The following CD6 variants were observed in gnomAD, a reference collection of about 807,000 sequenced individuals.
CD6 encodes CD6 molecule.
In CD6, 53 loss-of-function variants were observed where a neutral mutation model predicts 75.3. The ratio of observed to expected loss-of-function variants is 0.70; its 90% CI spans 0.56 to 0.88. The LOEUF is 0.88. Ranked by LOEUF, CD6 falls within the 40% of genes least tolerant of loss-of-function variation. The probability of loss-of-function intolerance (pLI) is 0.00; values close to 1 mark genes in which losing one functional copy is unlikely to be tolerated. For missense variants in CD6, 770 were observed against 897.1 expected, an observed-to-expected ratio of 0.86 and a Z score of 1.81; for synonymous variants, 359 against 381.5, an observed-to-expected ratio of 0.94 and a Z score of 0.69.
At position 61,007,553 on chromosome 11, in the gene CD6, C is replaced by T. The variant is rs958429164; in HGVS notation, c.119-7C>T. 60 of 1,484,968 alleles carry T rather than the reference C, an allele frequency of 4.0e-5. No individual in the cohort carries two copies. The highest frequency in any genetic ancestry group is 2.6e-4 in the Admixed American group (11 of 43,078). 92.0% of individuals were successfully genotyped at this position (1,484,968 alleles called of 1,614,324 possible). A position where few individuals can be genotyped will look rare whatever the true frequency, so the allele number is the denominator to read the frequency against. ...CCGGTCTCAGCTCTCTGGTCTGACA[C>T]TTCCAGGGGAGCGGCTTCCGGTCCG... On this transcript the variant is annotated splice_polypyrimidine_tract_variant and splice_region_variant and intron_variant, in intron 2 of 12. Transcript: ENST00000313421. This position sits in a 1 kb window ranked among gnomAD's most constrained non-coding sequence, Gnocchi z 4.2.
At position 60,981,935 on chromosome 11, in the gene CD6, G is replaced by A. The variant is rs114341564; in HGVS notation, c.49+10021G>A. Among the ~76,000 whole-genome samples, 63 of 152,036 alleles carry A rather than the reference G, an allele frequency of 4.1e-4. 2 individuals carry two copies. The highest frequency in any genetic ancestry group is 1.5e-3 in the African/African-American group (61 of 41,454). Reference sequence around the variant, plus strand: ...CCCTTGTATGGAAGGGTGCCCCTGGGTCTCCACCGTGTGCTAGGGGGTGGG... The same window carrying A: ...CCCTTGTATGGAAGGGTGCCCCTGGATCTCCACCGTGTGCTAGGGGGTGGG... On this transcript the variant is annotated intron_variant, in intron 1 of 12. Coordinates refer to ENST00000313421, the MANE Select transcript of CD6 (RefSeq NM_006725.5).
intron 1 of CD6, among the ~76,000 whole-genome samples, chr11:60,987,104 T>C (rs981418497): frequency 6.6e-6 from 1 of 151,962 alleles, no homozygotes; most frequent in Non-Finnish European, 1.5e-5. Context: ...CGAGACTCCA[T>C]CTCAAAAAAA....
In CD6 at chr11:61,009,588, C is replaced by A; in HGVS notation, c.798C>A (p.Arg266=). 6.2e-7 allele frequency: 1 copy of A among 1,607,202 alleles called. No homozygotes were observed. The highest frequency in any genetic ancestry group is 8.5e-7 in the Non-Finnish European group (1 of 1,176,860). The part of the protein sequence containing the change: ...GAVCSEHQSW[R]LTGGADRCEG... ...TCCCTGCAGAGCACCAGTCCTGGCG[C>A]CTGACAGGGGGCGCTGACCGCTGCG... is the stretch of plus-strand genomic sequence containing the variant. The change falls in exon 5 of 13, where the codon CGC becomes CGA. Residue 266 remains arginine (R), a synonymous_variant. Transcript: ENST00000313421.
chr11:61,001,198 C>CTTTTT (rs143567183), intron 1 of CD6, among the ~76,000 whole-genome samples: 5 of 110,338 alleles, frequency 4.5e-5, no homozygotes, highest in Non-Finnish European at 7.1e-5. Flanking sequence ...GATGATGTGT[C>CTTTTT]TTTTTTTTTT....
At chr11:61,001,584 AT>A (rs1858589169) in intron 1 of CD6, among the ~76,000 whole-genome samples, 1 of 148,208 alleles carries the variant, frequency 6.7e-6, no homozygotes, top group South Asian at 2.1e-4. Context: ...TAAGCAAGTC[AT>A]ATAAATCGTC....
intron 1 of CD6, among the ~76,000 whole-genome samples, chr11:60,978,819 G>A (rs1363936682): frequency 6.6e-6 from 1 of 152,210 alleles, no homozygotes; most frequent in Non-Finnish European, 1.5e-5. Context: ...TTGCCTGCAT[G>A]CTAGAGATAA....
At chr11:60,985,500 A>T (rs750781037) in intron 1 of CD6, among the ~76,000 whole-genome samples, 2 of 152,018 alleles carry the variant, frequency 1.3e-5, no homozygotes, top group Non-Finnish European at 2.9e-5. Context: ...CTCCTTTTAT[A>T]AACTTAAGTT....
chr11:60,981,138 C>G (rs928162394), intron 1 of CD6, among the ~76,000 whole-genome samples: 2 of 152,226 alleles, frequency 1.3e-5, no homozygotes, highest in Non-Finnish European at 2.9e-5. Flanking sequence ...GCAGGCAGTA[C>G]AAGGATCACG....
rs1178181124 is a variant in CD6 at position 61,009,704 on chromosome 11, C to T, written c.914C>T (p.Ser305Phe). 2.5e-6 allele frequency: 4 copies of T among 1,614,138 alleles called. No homozygotes were observed. The Admixed American group carries it at 6.7e-5, about 27-fold the overall frequency. The change falls in exon 5 of 13, where the codon TCC (serine) becomes TTC (phenylalanine). Residue 305 changes from serine to phenylalanine, a missense_variant. Coordinates refer to ENST00000313421, the MANE Select transcript of CD6 (RefSeq NM_006725.5). ...YPSEAKVLCQ[S>F]LGCGTAVERP... ...TCGGAGGCCAAGGTGCTCTGCCAGT[C>T]CTTGGGCTGTGGAACTGCGGTTGAG... is the stretch of plus-strand genomic sequence containing the variant.
intron 1 of CD6, among the ~76,000 whole-genome samples, chr11:60,995,758 C>T (rs1264689959): frequency 6.6e-6 from 1 of 152,142 alleles, no homozygotes; most frequent in East Asian, 1.9e-4. Flanking sequence ...TGGGATGACA[C>T]ATGCCACCCA....
intron 1 of CD6, among the ~76,000 whole-genome samples, chr11:60,980,518 A>G (rs899378740): frequency 4.0e-5 from 6 of 150,310 alleles, no homozygotes; most frequent in Non-Finnish European, 7.4e-5. Context: ...GAAAAAAAAA[A>G]GTATTTCAGA....
intron 1 of CD6, among the ~76,000 whole-genome samples, chr11:60,976,880 C>T (rs1375516988): frequency 1.3e-5 from 2 of 152,218 alleles, no homozygotes; most frequent in African/African-American, 4.8e-5. Context: ...CACATGTTTA[C>T]TTTTCTATTC....
At position 61,018,153 on chromosome 11, in the gene CD6, C is replaced by A; in HGVS notation, c.1838-136C>A. 2.3e-6 allele frequency: 3 copies of A among 1,293,762 alleles called. No individual in the cohort carries two copies. In the South Asian group the frequency reaches 4.2e-5, roughly 18 times the overall value. The allele number at this position is 1,293,762 out of a possible 1,614,324, so 80.1% of individuals were successfully genotyped here. On this transcript the variant is annotated intron_variant, in intron 11 of 12. Coordinates refer to ENST00000313421, the MANE Select transcript of CD6 (RefSeq NM_006725.5). ...TCGCTGTGTGCCCTTGGACACATCT[C>A]CCATCTCTGGGCCTTCACTTTGTCA...
In CD6 at chr11:61,007,421, T is replaced by C. The variant is rs931482364; in HGVS notation, c.119-139T>C. On this transcript the variant is annotated intron_variant, in intron 2 of 12. Transcript: ENST00000313421. The surrounding 1 kb of genome is among the most constrained non-coding windows in gnomAD (Gnocchi z 4.2). ...GGGCTCAGGGATGAGCCAGCCCGGC[T>C]CCATTTTGCAGACTGGAAAGCTGAG... is the stretch of plus-strand genomic sequence containing the variant. 6.5e-6 allele frequency: 4 copies of C among 619,534 alleles called. No individual in the cohort carries two copies. The highest frequency in any genetic ancestry group is 1.0e-5 in the Non-Finnish European group (4 of 398,174). The allele number at this position is 619,534 out of a possible 1,614,324, so 38.4% of individuals were successfully genotyped here.
chr11:60,971,956 A>G, intron 1 of CD6, 42 bp downstream of exon 1: 2 of 1,597,082 alleles, frequency 1.3e-6, no homozygotes, highest in Non-Finnish European at 1.7e-6. Context: ...GTGCTGGAGG[A>G]GCCGGGTCCG....
At chr11:60,988,965 A>C (rs1857942952) in intron 1 of CD6, among the ~76,000 whole-genome samples, 2 of 152,160 alleles carry the variant, frequency 1.3e-5, no homozygotes. Context: ...CAGCCTTTGC[A>C]CAGAGGGTCT....
intron 1 of CD6, among the ~76,000 whole-genome samples, chr11:60,976,160 T>A (rs755513834): frequency 6.6e-6 from 1 of 152,192 alleles, no homozygotes; most frequent in Non-Finnish European, 1.5e-5. Flanking sequence ...TTTTCATTCC[T>A]CACTCCCCTC....
intron 1 of CD6, among the ~76,000 whole-genome samples, chr11:61,004,126 C>A (rs1858730091): frequency 6.6e-6 from 1 of 152,068 alleles, no homozygotes; most frequent in Admixed American, 6.6e-5. Context: ...TTTCCAGACC[C>A]AGAGAGAGAG....
At chr11:61,017,697 C>A in intron 10 of CD6, 62 bp from the exon 11 acceptor site, 1 of 1,606,964 alleles carries the variant, frequency 6.2e-7, no homozygotes, top group South Asian at 1.1e-5. Context: ...TTTCTGAAGT[C>A]TGACTTAAAG....
Sources: gnomAD v4.1 joint callset for allele counts (sites outside exome capture counted in the v4.1 genomes callset) on GRCh38, gnomAD v4.1.1 for gene constraint, Gnocchi (gnomAD v3.1) non-coding constraint, MANE v1.5 for transcripts, NCBI Gene and HGNC (gene_info 2026-07-23, HGNC 2026-07-21) for gene names.